HS6ST3: variants seen among roughly 807,000 people sequenced by gnomAD.
The protein encoded by HS6ST3 is heparan-sulfate 6-O-sulfotransferase 3.
HS6ST3 carries 12 observed loss-of-function variants against 36.7 expected under a neutral mutation model. The observed-to-expected ratio is 0.33, with a 90% CI of 0.21 to 0.53. The LOEUF is 0.53. HS6ST3 is among the 20% of genes least tolerant of loss of function. The probability of loss-of-function intolerance (pLI) is 0.95; values close to 1 mark genes in which losing one functional copy is unlikely to be tolerated. For synonymous variants in HS6ST3, 240 were observed against 257.5 expected, an observed-to-expected ratio of 0.93 and a Z score of 0.65; for missense variants, 584 against 640.9, an observed-to-expected ratio of 0.91 and a Z score of 0.96.
intron 1 of HS6ST3, among the ~76,000 whole-genome samples, chr13:96,702,454 G>A (rs1875314754): frequency 6.6e-6 from 1 of 152,202 alleles, no homozygotes; most frequent in African/African-American, 2.4e-5. Context: ...GTCAGTTAGT[G>A]TGTAAGTGAG....
chr13:96,349,122 A>G (rs145862576), intron 1 of HS6ST3, among the ~76,000 whole-genome samples: 6 of 152,300 alleles, frequency 3.9e-5, no homozygotes, highest in Admixed American at 3.9e-4. Flanking sequence ...ATACAATCCA[A>G]TGTTTGACTC....
intron 1 of HS6ST3, among the ~76,000 whole-genome samples, chr13:96,278,927 C>A (rs999840402): frequency 6.6e-6 from 1 of 152,066 alleles, no homozygotes; most frequent in African/African-American, 2.4e-5. Flanking sequence ...AGGTATTATA[C>A]CTGTTTTATT....
intron 1 of HS6ST3, among the ~76,000 whole-genome samples, chr13:96,657,934 T>A (rs1264423532): frequency 6.6e-6 from 1 of 152,156 alleles, no homozygotes; most frequent in Admixed American, 6.5e-5. Context: ...GGAAGCACAA[T>A]GAAACTGAAG....
intron 1 of HS6ST3, among the ~76,000 whole-genome samples, chr13:96,495,446 G>C (rs2055970163): frequency 6.6e-6 from 1 of 152,130 alleles, no homozygotes; most frequent in Admixed American, 6.6e-5. Context: ...TTTTAACAGT[G>C]CTTTAAACAC....
chr13:96,666,731 C>A (rs1183683082), intron 1 of HS6ST3, among the ~76,000 whole-genome samples: 1 of 151,998 alleles, frequency 6.6e-6, no homozygotes, highest in Non-Finnish European at 1.5e-5. Context: ...TCTGTGTGAC[C>A]TCATTTTCAA....
chr13:96,301,529 A>G (rs1208855807), intron 1 of HS6ST3, among the ~76,000 whole-genome samples: 1 of 152,172 alleles, frequency 6.6e-6, no homozygotes, highest in Non-Finnish European at 1.5e-5. Flanking sequence ...CCGTGATATA[A>G]TACTTAACTT....
At chr13:96,563,836 C>A (rs1189225461) in intron 1 of HS6ST3, among the ~76,000 whole-genome samples, 3 of 152,154 alleles carry the variant, frequency 2.0e-5, no homozygotes, top group Non-Finnish European at 4.4e-5. Context: ...TCATGCACAC[C>A]TTCTTACCCA....
intron 1 of HS6ST3, among the ~76,000 whole-genome samples, chr13:96,576,215 C>A (rs2056320526): frequency 6.6e-6 from 1 of 152,066 alleles, no homozygotes; most frequent in African/African-American, 2.4e-5. Flanking sequence ...CTTGAGAGGA[C>A]CTGGGATGTG....
intron 1 of HS6ST3, among the ~76,000 whole-genome samples, chr13:96,297,097 T>C (rs1321288411): frequency 6.6e-6 from 1 of 152,144 alleles, no homozygotes; most frequent in Non-Finnish European, 1.5e-5. Flanking sequence ...TTTTTTTCAA[T>C]GGCCTATCAC....
chr13:96,189,146 T>C (rs1050527775), intron 1 of HS6ST3, among the ~76,000 whole-genome samples: 2 of 152,168 alleles, frequency 1.3e-5, no homozygotes, highest in East Asian at 1.9e-4. Flanking sequence ...CTAAAATAAA[T>C]GAAAATTGAT....
At chr13:96,204,507 T>G (rs2054359867) in intron 1 of HS6ST3, among the ~76,000 whole-genome samples, 1 of 152,092 alleles carries the variant, frequency 6.6e-6, no homozygotes, top group Admixed American at 6.6e-5. Context: ...TGGATAGATA[T>G]CTACAGAACT....
chr13:96,160,498 T>A (rs1437863019), intron 1 of HS6ST3, among the ~76,000 whole-genome samples: 1 of 152,214 alleles, frequency 6.6e-6, no homozygotes, highest in Non-Finnish European at 1.5e-5. Context: ...CCCGTTCTTA[T>A]ATTCCTGACC....
intron 1 of HS6ST3, among the ~76,000 whole-genome samples, chr13:96,324,255 T>C (rs1301820959): frequency 6.6e-6 from 1 of 152,172 alleles, no homozygotes. Flanking sequence ...ATCTTTAAGA[T>C]AGGAGTATAA....
chr13:96,445,693 C>T (rs1456037504), intron 1 of HS6ST3, among the ~76,000 whole-genome samples: 1 of 151,252 alleles, frequency 6.6e-6, no homozygotes, highest in Non-Finnish European at 1.5e-5. Flanking sequence ...ACGGTGAAAT[C>T]CCCGTCTCTA....
At chr13:96,326,554 C>T (rs1355282285) in intron 1 of HS6ST3, among the ~76,000 whole-genome samples, 2 of 152,132 alleles carry the variant, frequency 1.3e-5, no homozygotes, top group Non-Finnish European at 2.9e-5. Flanking sequence ...ATATGTGCCA[C>T]ATTTTCTTGA....
chr13:96,344,643 G>T (rs1393274996), intron 1 of HS6ST3, among the ~76,000 whole-genome samples: 2 of 152,110 alleles, frequency 1.3e-5, no homozygotes, highest in Non-Finnish European at 2.9e-5. Context: ...GGTGGTTAGT[G>T]GTACACACTG....
intron 1 of HS6ST3, among the ~76,000 whole-genome samples, chr13:96,124,776 A>G (rs953610331): frequency 3.9e-5 from 6 of 152,232 alleles, no homozygotes; most frequent in African/African-American, 1.4e-4. Flanking sequence ...GCTATTAAAG[A>G]TTCTTGCTTT....
intron 1 of HS6ST3, among the ~76,000 whole-genome samples, chr13:96,405,578 A>T (rs2055473342): frequency 6.6e-6 from 1 of 152,226 alleles, no homozygotes; most frequent in African/African-American, 2.4e-5. Flanking sequence ...CTGAATAATT[A>T]TCTTTCTTGA....
intron 1 of HS6ST3, among the ~76,000 whole-genome samples, chr13:96,094,470 C>A (rs1380347438): frequency 6.6e-6 from 1 of 152,112 alleles, no homozygotes; most frequent in East Asian, 1.9e-4. Flanking sequence ...TATTAAGCAT[C>A]CTAGGTTGCA....
Sources: gnomAD v4.1 joint callset for allele counts (sites outside exome capture counted in the v4.1 genomes callset) on GRCh38, gnomAD v4.1.1 for gene constraint, MANE v1.5 for transcripts, NCBI Gene and HGNC (gene_info 2026-07-23, HGNC 2026-07-21) for gene names.